The following FBXO25 variants were observed in gnomAD, a reference collection of about 807,000 sequenced individuals.
FBXO25 encodes F-box only protein 25.
In FBXO25, 45 loss-of-function variants were observed where a neutral mutation model predicts 51.9. The observed-to-expected ratio is 0.87, with a 90% CI of 0.68 to 1.11. FBXO25 has a LOEUF of 1.11. FBXO25 is among the 50% of genes most tolerant of loss of function. FBXO25 has a pLI of 0.00. For missense variants in FBXO25, 507 were observed against 428.5 expected (o/e 1.18, Z -1.62); for synonymous variants, 199 against 151.0 (o/e 1.32, Z -2.33).
rs1024734018 is a variant in FBXO25, at chr8:474,022, T to A, written c.*5218T>A. The A allele has an allele frequency of 4.6e-5, 7 of 152,304 alleles. No individual in the cohort carries two copies. The highest frequency in any genetic ancestry group is 1.7e-4 in the African/African-American group (7 of 41,454). 9.4% of individuals were successfully genotyped at this position (152,304 alleles called of 1,614,324 possible). ...AATACATTCATACTGTGCAACCTTCTCTACCACGTATCCACAAGTTCAACT... is the reference window on the plus strand; with the variant it reads ...AATACATTCATACTGTGCAACCTTCACTACCACGTATCCACAAGTTCAACT... On this transcript the variant is annotated 3_prime_UTR_variant, in exon 10 of 10. Transcript: ENST00000350302.
In FBXO25 at chr8:471,208, G is replaced by A. The variant is rs568928971; in HGVS notation, c.*2404G>A. ...ACTGCATGGGTCACAGCCTCCTGCA[G>A]GTGCGTTCGAGGGACAAGCTGTGGG... On this transcript the variant is annotated 3_prime_UTR_variant, in exon 10 of 10. Transcript: ENST00000350302. 6.6e-6 allele frequency: 1 copy of A among 152,406 alleles called. No homozygotes were observed. Among genetic ancestry groups the A allele is most frequent in the South Asian group, 2.1e-4 (1 of 4,826 alleles). The allele number at this position is 152,406 out of a possible 1,614,324, so 9.4% of individuals were successfully genotyped here. A position where few individuals can be genotyped will look rare whatever the true frequency, so the allele number is the denominator to read the frequency against.
At chr8:434,796 A>G (rs1215614607) in intron 4 of FBXO25, among the ~76,000 whole-genome samples, 4 of 152,222 alleles carry the variant, frequency 2.6e-5, no homozygotes, top group African/African-American at 7.2e-5. Flanking sequence ...ATCTATACAA[A>G]CCAATATAGG....
intron 7 of FBXO25, among the ~76,000 whole-genome samples, chr8:455,186 G>A (rs1457779304): frequency 6.6e-6 from 1 of 152,206 alleles, no homozygotes; most frequent in Non-Finnish European, 1.5e-5. Context: ...CAGGGGATTA[G>A]GACCAGACTC....
At position 473,027 on chromosome 8, in the gene FBXO25, A is replaced by T. The variant is rs960736009; in HGVS notation, c.*4223A>T. Reference sequence around the variant, plus strand: ...GGAGGAAAAAGAAGGACCTGCATACATGACTAACCAGCACCAGCCATTGGG... The same window carrying T: ...GGAGGAAAAAGAAGGACCTGCATACTTGACTAACCAGCACCAGCCATTGGG... On this transcript the variant is annotated 3_prime_UTR_variant, in exon 10 of 10. Transcript: ENST00000350302. 1 of 152,424 alleles carries T rather than the reference A, an allele frequency of 6.6e-6. No individual in the cohort carries two copies. Among genetic ancestry groups the T allele is most frequent in the Non-Finnish European group, 1.5e-5 (1 of 68,184 alleles). The allele number at this position is 152,424 out of a possible 1,614,324, so 9.4% of individuals were successfully genotyped here.
chr8:447,483 G>A (rs971589518), intron 5 of FBXO25, among the ~76,000 whole-genome samples: 1 of 152,174 alleles, frequency 6.6e-6, no homozygotes, highest in Non-Finnish European at 1.5e-5. Flanking sequence ...GAAAAAAACA[G>A]GAAACTCATG....
At chr8:437,532 A>T (rs1290281326) in intron 5 of FBXO25, among the ~76,000 whole-genome samples, 1 of 152,138 alleles carries the variant, frequency 6.6e-6, no homozygotes, top group African/African-American at 2.4e-5. Context: ...CATTCTTCAC[A>T]AGTCCAGCAA....
In FBXO25 at chr8:472,410, G is replaced by C. The variant is rs1320287071; in HGVS notation, c.*3606G>C. 2 of 152,204 alleles carry C rather than the reference G, an allele frequency of 1.3e-5. No individual in the cohort carries two copies. The highest frequency in any genetic ancestry group is 4.8e-5 in the African/African-American group (2 of 41,452). 9.4% of individuals were successfully genotyped at this position (152,204 alleles called of 1,614,324 possible). ...GCATTCTTGGGTCAAAGCCCACTAA[G>C]TCATGGTTTATGATACCTTTTATAC... is the stretch of plus-strand genomic sequence containing the variant. On this transcript the variant is annotated 3_prime_UTR_variant, in exon 10 of 10. Transcript: ENST00000350302.
In FBXO25 at chr8:474,710, A is replaced by G. The variant is rs751456131; in HGVS notation, c.*5906A>G. Reference sequence around the variant, plus strand: ...ATTTGGGCTCTTTGTCCATTTTTCAATCAGGTGTGTGTTTTTATATGTTCT... The same window carrying G: ...ATTTGGGCTCTTTGTCCATTTTTCAGTCAGGTGTGTGTTTTTATATGTTCT... On this transcript the variant is annotated 3_prime_UTR_variant, in exon 10 of 10. Transcript: ENST00000350302. 3.5e-5 allele frequency: 16 copies of G among 454,766 alleles called. No individual in the cohort carries two copies. The highest frequency in any genetic ancestry group is 2.0e-4 in the South Asian group (13 of 63,798). The allele number at this position is 454,766 out of a possible 1,614,324, so 28.2% of individuals were successfully genotyped here. A position where few individuals can be genotyped will look rare whatever the true frequency, so the allele number is the denominator to read the frequency against.
At chr8:424,476 C>A (rs969192249) in intron 2 of FBXO25, among the ~76,000 whole-genome samples, 1 of 152,144 alleles carries the variant, frequency 6.6e-6, no homozygotes, top group African/African-American at 2.4e-5. Context: ...AGGTTATCTT[C>A]CAGGATCTTA....
chr8:431,330 CT>C lies in FBXO25; in HGVS notation c.135-8del. On this transcript the variant is annotated splice_polypyrimidine_tract_variant and intron_variant, in intron 2 of 9. Transcript: ENST00000350302. ...GAAAAAATATTTTAATAGAATGTGT[CT>C]TTATTTCAGTATCTTAAATAGTGAA... The C allele has an allele frequency of 7.5e-7, 1 of 1,341,998 alleles. No individual in the cohort carries two copies. The highest frequency in any genetic ancestry group is 1.0e-6 in the Non-Finnish European group (1 of 970,426). The allele number at this position is 1,341,998 out of a possible 1,614,324, so 83.1% of individuals were successfully genotyped here.
Position 432,869 on chromosome 8 carries a change from G to A in FBXO25, c.239-17G>A. ...TGATTTGCCAGATTTTAAAAACAAAGGTAATTTTTATTCTAGGTTTTTATC... is the reference window on the plus strand; with the variant it reads ...TGATTTGCCAGATTTTAAAAACAAAAGTAATTTTTATTCTAGGTTTTTATC... On this transcript the variant is annotated splice_polypyrimidine_tract_variant and intron_variant, in intron 3 of 9. Transcript: ENST00000350302. 1 of 1,532,664 alleles carries A rather than the reference G, an allele frequency of 6.5e-7. No individual in the cohort carries two copies. 94.9% of individuals were successfully genotyped at this position (1,532,664 alleles called of 1,614,324 possible). A position where few individuals can be genotyped will look rare whatever the true frequency, so the allele number is the denominator to read the frequency against.
At chr8:432,732 C>A (rs1397361804) in intron 3 of FBXO25, among the ~76,000 whole-genome samples, 154 bp from the exon 4 acceptor site, 1 of 152,148 alleles carries the variant, frequency 6.6e-6, no homozygotes, top group Non-Finnish European at 1.5e-5. Context: ...AGAAACAAAG[C>A]AATTCTGTTT....
intron 2 of FBXO25, among the ~76,000 whole-genome samples, chr8:413,651 C>T (rs1796621817): frequency 6.6e-6 from 1 of 152,210 alleles, no homozygotes; most frequent in South Asian, 2.1e-4. Flanking sequence ...TGTCTTGTCG[C>T]TCTGCCATCC....
intron 5 of FBXO25, among the ~76,000 whole-genome samples, chr8:442,846 A>C (rs73669380): frequency 0.044 from 6,641 of 152,292 alleles, 252 homozygotes; most frequent in African/African-American, 0.095. Context: ...ATACAGAAAA[A>C]GATATATTTA....
At chr8:427,539 T>C (rs1384927921) in intron 2 of FBXO25, among the ~76,000 whole-genome samples, 17 of 150,940 alleles carry the variant, frequency 1.1e-4, no homozygotes, top group Non-Finnish European at 2.1e-4. Context: ...TTTCTGGGAT[T>C]CCATAACCAC....
Position 414,047 on chromosome 8 carries a change from AT to A in FBXO25, c.134+835del, listed in dbSNP as rs1369472489. On this transcript the variant is annotated intron_variant, in intron 2 of 9. Transcript: ENST00000350302. ...TATATTATTTTACATTTGTGTAATT[AT>A]CAACTGTGTGCTTGATGGGCCATAT... Among the ~76,000 whole-genome samples the A allele has an allele frequency of 5.3e-5, 8 of 152,340 alleles. No individual in the cohort carries two copies. The East Asian group carries it at 1.4e-3, about 26-fold the overall frequency.
intron 5 of FBXO25, among the ~76,000 whole-genome samples, chr8:443,839 A>G (rs981634646): frequency 4.6e-5 from 7 of 152,210 alleles, no homozygotes; most frequent in African/African-American, 1.7e-4. Context: ...AAAAGACAAT[A>G]AACTTGAGAA....
intron 2 of FBXO25, among the ~76,000 whole-genome samples, chr8:414,645 A>G (rs1449340691): frequency 6.6e-6 from 1 of 152,018 alleles, no homozygotes; most frequent in Non-Finnish European, 1.5e-5. Flanking sequence ...TACAGTCGAG[A>G]TATGTTTTCT....
chr8:455,649 G>C lies in FBXO25; in HGVS notation c.661-2720G>C, dbSNP rs185444547. Among the ~76,000 whole-genome samples the C allele has an allele frequency of 3.2e-4, 49 of 152,332 alleles. 1 individual carries two copies. The highest frequency in any genetic ancestry group is 1.2e-3 in the Admixed American group (18 of 15,302). ...CTGTTAGCAGAAGTGCTTCCACAGA[G>C]AAGTGGGAATCATTGACAGTTGCAT... On this transcript the variant is annotated intron_variant, in intron 7 of 9. Coordinates refer to ENST00000350302, the MANE Select transcript of FBXO25 (RefSeq NM_183420.2).
Sources: gnomAD v4.1 joint callset for allele counts (sites outside exome capture counted in the v4.1 genomes callset) on GRCh38, gnomAD v4.1.1 for gene constraint, MANE v1.5 for transcripts, NCBI Gene and HGNC (gene_info 2026-07-23, HGNC 2026-07-21) for gene names.